Variants in SPAM1 observed in about 807,000 individuals in gnomAD.
SPAM1 encodes sperm adhesion molecule 1.
SPAM1 carries 22 observed loss-of-function variants against 29.6 expected under a neutral mutation model. The ratio of observed to expected loss-of-function variants is 0.74; its 90% CI spans 0.53 to 1.06. SPAM1 has a LOEUF of 1.06. Among genes scored for constraint, SPAM1 ranks in the 50% least tolerant of loss-of-function variants. The pLI, the probability that SPAM1 is intolerant of heterozygous loss-of-function variation, is 0.00. For synonymous variants in SPAM1, 194 were observed against 204.6 expected, an observed-to-expected ratio of 0.95 and a Z score of 0.44; for missense variants, 534 against 604.0, an observed-to-expected ratio of 0.88 and a Z score of 1.21.
exon 7 of SPAM1, chr7:123,971,107 C>T (rs958239703): frequency 6.6e-6 from 1 of 152,022 alleles, no homozygotes; most frequent in East Asian, 1.9e-4. Flanking sequence ...AAAGATAGAC[C>T]TTCCCTCAAG....
chr7:123,967,995 G>A (rs1792450368), intron 5 of SPAM1, among the ~76,000 whole-genome samples: 2 of 151,994 alleles, frequency 1.3e-5, no homozygotes, highest in African/African-American at 4.8e-5. Context: ...TTGGATGATT[G>A]GATGTGGGAG....
rs1289870125 is a variant in SPAM1, at chr7:123,953,854, G to A, written c.284G>A (p.Arg95Lys). The change falls in exon 3 of 5, where the codon AGA (arginine) becomes AAA (lysine). Residue 95 changes from arginine to lysine, a missense_variant. Coordinates refer to ENST00000682466, the MANE Select transcript of SPAM1 (RefSeq NM_153189.3). ...GGTGTTACAATATTTTATGTTGATA[G>A]ACTTGGCTACTATCCTTACATAGAT... is the stretch of plus-strand genomic sequence containing the variant. ...GQGVTIFYVD[R>K]LGYYPYIDSI... 17 of 1,613,556 alleles carry A rather than the reference G, an allele frequency of 1.1e-5. No individual in the cohort carries two copies. The highest frequency in any genetic ancestry group is 2.2e-5 in the East Asian group (1 of 44,850).
At chr7:123,944,052 G>A (rs1808504542) in intron 1 of SPAM1, among the ~76,000 whole-genome samples, 1 of 152,018 alleles carries the variant, frequency 6.6e-6, no homozygotes, top group East Asian at 1.9e-4. Flanking sequence ...TCCATATTCT[G>A]GTCTTGCTTC....
chr7:123,931,282 T>C (rs1399783259), intron 1 of SPAM1, among the ~76,000 whole-genome samples: 2 of 152,148 alleles, frequency 1.3e-5, no homozygotes, highest in Non-Finnish European at 2.9e-5. Context: ...CCAGAACCCC[T>C]TTTTTCCAAA....
At chr7:123,933,523 A>G (rs796200111) in intron 1 of SPAM1, among the ~76,000 whole-genome samples, 44 of 152,300 alleles carry the variant, frequency 2.9e-4, no homozygotes, top group African/African-American at 1.0e-3. Context: ...AGGAGTAGTA[A>G]TTTGTGGAAA....
chr7:123,928,104 T>C (rs1807951697), intron 1 of SPAM1, among the ~76,000 whole-genome samples: 2 of 152,260 alleles, frequency 1.3e-5, no homozygotes, highest in African/African-American at 4.8e-5. Context: ...GATTAGGGTA[T>C]TGCAGGGTAA....
chr7:123,953,014 G>A (rs769443871), intron 2 of SPAM1, among the ~76,000 whole-genome samples: 124 of 152,058 alleles, frequency 8.2e-4, no homozygotes, highest in Admixed American at 2.6e-3. Context: ...CTTTCAAGAA[G>A]CAAGAAACAG....
chr7:123,954,517 T>C lies in SPAM1; in HGVS notation c.947T>C (p.Leu316Pro). The C allele has an allele frequency of 6.3e-7, 1 of 1,587,714 alleles. No individual in the cohort carries two copies. The highest frequency in any genetic ancestry group is 2.3e-5 in the East Asian group (1 of 44,226). The change falls in exon 3 of 5, where the codon CTT becomes CCT. Residue 316 changes from leucine to proline, a missense_variant. Transcript: ENST00000682466. ...TTTACTGATCAAGTTTTGAAATTCC[T>C]TTCTCAAGTAAGTAAATCAGGGTAT... ...IVFTDQVLKF[L>P]SQDELVYTFG...
At chr7:123,931,870 A>T (rs1404385628) in intron 1 of SPAM1, among the ~76,000 whole-genome samples, 1 of 152,178 alleles carries the variant, frequency 6.6e-6, no homozygotes, top group African/African-American at 2.4e-5. Context: ...GGAGAATCTC[A>T]TCTTTTTTAA....
chr7:123,970,278 C>T, exon 6 of SPAM1: 5 of 1,546,652 alleles, frequency 3.2e-6, no homozygotes, highest in Non-Finnish European at 4.4e-6. Context: ...TGTTTCAGGC[C>T]TCTTCCCTTG....
chr7:123,951,829 T>G (rs528757640), intron 2 of SPAM1, among the ~76,000 whole-genome samples: 1 of 151,906 alleles, frequency 6.6e-6, no homozygotes, highest in Admixed American at 6.6e-5. Context: ...ACCACGTTGG[T>G]CAGGCTGGTC....
downstream of SPAM1, among the ~76,000 whole-genome samples, chr7:123,961,655 T>C (rs1792360652): frequency 6.6e-6 from 1 of 151,974 alleles, no homozygotes; most frequent in African/African-American, 2.4e-5. Flanking sequence ...CTTTGATATA[T>C]ACTGATTTTT....
chr7:123,960,374 G>C (rs1482223914), downstream of SPAM1, among the ~76,000 whole-genome samples: 1 of 151,976 alleles, frequency 6.6e-6, no homozygotes, highest in Non-Finnish European at 1.5e-5. Flanking sequence ...CAAGCCATCA[G>C]TAACATGTAG....
chr7:123,967,310 A>G (rs542841028), intron 5 of SPAM1, among the ~76,000 whole-genome samples: 1 of 152,184 alleles, frequency 6.6e-6, no homozygotes, highest in East Asian at 1.9e-4. Context: ...CAATGCTAAA[A>G]TCACTATATG....
rs1792174141 is a variant in SPAM1 at position 123,953,775 on chromosome 7, G to C, written c.205G>C (p.Asp69His). The C allele has an allele frequency of 1.2e-6, 2 of 1,612,696 alleles. No homozygotes were observed. Among genetic ancestry groups the C allele is most frequent in the African/African-American group, 1.3e-5 (1 of 74,926 alleles). ...FCLGKFDEPLDMSLFSFIGSP... is the reference protein window; with the variant it reads ...FCLGKFDEPLHMSLFSFIGSP... The stretch of plus-strand genomic sequence containing the variant: ...TCTTGGAAAATTTGATGAGCCACTA[G>C]ATATGAGCCTCTTCTCTTTCATAGG... The change falls in exon 3 of 5, where the codon GAT becomes CAT. Residue 69 changes from aspartate (D) to histidine (H), a missense_variant. By Grantham distance (81) the Asp-to-His change is moderately conservative. Transcript: ENST00000682466.
At chr7:123,938,749 G>A (rs1682005312) in intron 1 of SPAM1, among the ~76,000 whole-genome samples, 1 of 152,108 alleles carries the variant, frequency 6.6e-6, no homozygotes, top group East Asian at 1.9e-4. Context: ...GCTAATAGAC[G>A]GTTAATTGCA....
chr7:123,950,879 A>G (rs1808738350), intron 2 of SPAM1, among the ~76,000 whole-genome samples: 1 of 152,160 alleles, frequency 6.6e-6, no homozygotes, highest in Admixed American at 6.5e-5. Flanking sequence ...CATTTCCACC[A>G]GAAGTGTATA....
chr7:123,942,420 A>AT (rs1162306716), intron 1 of SPAM1, among the ~76,000 whole-genome samples: 2 of 152,152 alleles, frequency 1.3e-5, no homozygotes, highest in South Asian at 2.1e-4. Context: ...TTTGAAACAC[A>AT]TTTTTTCTTT....
chr7:123,941,564 C>T (rs1321940430), intron 1 of SPAM1, among the ~76,000 whole-genome samples: 2 of 152,154 alleles, frequency 1.3e-5, no homozygotes, highest in African/African-American at 4.8e-5. Context: ...TCAGGTGAGC[C>T]TCAGTGGGCT....
Sources: allele counts gnomAD v4.1 joint callset (sites outside exome capture counted in the v4.1 genomes callset), GRCh38; gene constraint gnomAD v4.1.1; transcripts MANE v1.5; gene names NCBI Gene and HGNC (gene_info 2026-07-23, HGNC 2026-07-21).